The following LPIN2 variants were observed in gnomAD, a reference collection of about 807,000 sequenced individuals.
The protein encoded by LPIN2 is lipin 2.
LPIN2 carries 55 observed loss-of-function variants against 111.4 expected under a neutral mutation model. That is an observed-to-expected ratio of 0.49 (90% CI 0.40 to 0.62). The LOEUF is 0.62. Among genes scored for constraint, LPIN2 ranks in the 20% least tolerant of loss-of-function variants. The probability of loss-of-function intolerance (pLI) is 0.00; values close to 1 mark genes in which losing one functional copy is unlikely to be tolerated. For missense variants in LPIN2, 992 were observed against 1,112.1 expected (o/e 0.89, Z 1.54); for synonymous variants, 425 against 414.0 (o/e 1.03, Z -0.32).
At chr18:2,928,993 G>T in intron 10 of LPIN2, 72 bp downstream of exon 10, 1 of 976,816 alleles carries the variant, frequency 1.0e-6, no homozygotes. Context: ...ACTTTTATAA[G>T]TAACAGTTAA....
chr18:2,917,055 C>T lies in LPIN2; in HGVS notation c.*3238G>A, dbSNP rs2076980454. On this transcript the variant is annotated 3_prime_UTR_variant, in exon 20 of 20. Transcript: ENST00000677752. ...TTTGTTTTGAACATCAAACACTGCA[C>T]CAAAATATTAGCCATTCATCTTGCA... 6.6e-6 allele frequency: 1 copy of T among 152,190 alleles called. No individual in the cohort carries two copies. Among genetic ancestry groups the T allele is most frequent in the Admixed American group, 6.5e-5 (1 of 15,282 alleles). 9.4% of individuals were successfully genotyped at this position (152,190 alleles called of 1,614,324 possible).
chr18:2,971,565 T>C (rs1009032012), intron 1 of LPIN2, among the ~76,000 whole-genome samples: 7 of 152,120 alleles, frequency 4.6e-5, no homozygotes, highest in Admixed American at 6.5e-5. Context: ...CTAGCAATAG[T>C]AGGTTCTTAA....
chr18:2,941,081 AT>A (rs1190376385), intron 4 of LPIN2, among the ~76,000 whole-genome samples: 1 of 152,242 alleles, frequency 6.6e-6, no homozygotes, highest in Non-Finnish European at 1.5e-5. Context: ...ATCCAGAGAA[AT>A]TTAGTAACTT....
chr18:2,960,525 A>T (rs2077696258), intron 2 of LPIN2, 124 bp downstream of exon 2: 2 of 914,674 alleles, frequency 2.2e-6, no homozygotes, highest in South Asian at 1.5e-5. Context: ...AAAAAAAAAA[A>T]AAGGCCTAGA....
chr18:3,012,185 TA>T (rs888761044), intron 1 of LPIN2, among the ~76,000 whole-genome samples: 38 of 149,240 alleles, frequency 2.5e-4, no homozygotes, highest in African/African-American at 5.2e-4. Context: ...CGTTTTCAAT[TA>T]AAAAAAAAAT....
rs1455247405 is a variant in LPIN2 at position 2,939,335 on chromosome 18, T to G, written c.822+145A>C. 7 of 951,338 alleles carry G rather than the reference T, an allele frequency of 7.4e-6. No individual in the cohort carries two copies. The East Asian group carries it at 1.8e-4, about 25-fold the overall frequency. The allele number at this position is 951,338 out of a possible 1,614,324, so 58.9% of individuals were successfully genotyped here. A position where few individuals can be genotyped will look rare whatever the true frequency, so the allele number is the denominator to read the frequency against. On this transcript the variant is annotated intron_variant, in intron 6 of 19. Transcript: ENST00000677752. ...CCAAATGTTACAAAAAATGTTAACT[T>G]TGAATTTACTTTTATGACATGAGGG...
In LPIN2 at chr18:2,920,153, A is replaced by T; in HGVS notation, c.*140T>A. On this transcript the variant is annotated 3_prime_UTR_variant, in exon 20 of 20. Transcript: ENST00000677752. ...GCCTGAGCAGCTGGCCTGGGAAGGC[A>T]AAGGAGGATGGCGGGACCAGCTCCA... 3 of 1,184,296 alleles carry T rather than the reference A, an allele frequency of 2.5e-6. No individual in the cohort carries two copies. The highest frequency in any genetic ancestry group is 3.7e-6 in the Non-Finnish European group (3 of 817,140). The allele number at this position is 1,184,296 out of a possible 1,614,324, so 73.4% of individuals were successfully genotyped here.
At chr18:2,927,910 G>A in intron 11 of LPIN2, 99 bp from the exon 12 acceptor site, 1 of 985,528 alleles carries the variant, frequency 1.0e-6, no homozygotes, top group South Asian at 1.3e-5. Context: ...TATGGAATGT[G>A]AGAACGTGAC....
chr18:2,954,946 G>A (rs1256683955), intron 2 of LPIN2, among the ~76,000 whole-genome samples: 2 of 152,050 alleles, frequency 1.3e-5, no homozygotes, highest in East Asian at 1.9e-4. Flanking sequence ...CACCTCACAC[G>A]GTTCAGATAC....
chr18:2,926,752 T>C lies in LPIN2; in HGVS notation c.1764A>G (p.Pro588=), dbSNP rs2077137566. The change falls in exon 13 of 20, where the codon CCA becomes CCG. Residue 588 remains proline, a synonymous_variant. Transcript: ENST00000677752. ...CACCGGCCGGCTCCTTGGAGCTGGA[T>C]GGCAGGTCACTGGCTGGCGGTGCCT... ...KSEAPPASDL[P]SSSKEPAGAR... is the part of the protein sequence containing the mutation. The C allele has an allele frequency of 1.2e-6, 2 of 1,613,584 alleles. No individual in the cohort carries two copies. The highest frequency in any genetic ancestry group is 1.1e-5 in the South Asian group (1 of 91,080).
intron 1 of LPIN2, among the ~76,000 whole-genome samples, chr18:3,007,406 C>T (rs993327605): frequency 9.9e-5 from 15 of 152,194 alleles, no homozygotes; most frequent in Non-Finnish European, 1.0e-4. Flanking sequence ...CTCCTGACCT[C>T]GTGATCCGCC....
Position 2,951,178 on chromosome 18 carries a change from T to C in LPIN2, c.467A>G (p.Lys156Arg), listed in dbSNP as rs1257836532. ...CTGTTTGTATTTCTTTCTCCTTCGT[T>C]TTTTCTTTTTCACAGAACTTGGAGT... ...IFTPSSVKKK[K>R]RRRKKYKQDS... Residue 156 changes from lysine to arginine, a missense_variant, in exon 4 of 20, where the codon AAA becomes AGA. This residue lies in a region of LPIN2 where 709 missense variants were observed against 753.2 expected (regional missense o/e 0.94). Transcript: ENST00000677752. 1 of 1,614,052 alleles carries C rather than the reference T, an allele frequency of 6.2e-7. No individual in the cohort carries two copies. Among genetic ancestry groups the C allele is most frequent in the African/African-American group, 1.3e-5 (1 of 74,920 alleles).
In LPIN2 at chr18:2,945,895, T is replaced by C. The variant is rs190265471; in HGVS notation, c.590+5160A>G. ...TTCCCAGCATCTTTTTTAGTCCACA[T>C]GTTTCTCTTTTGTACAGCCCTCTTG... On this transcript the variant is annotated intron_variant, in intron 4 of 19. Coordinates refer to ENST00000677752, the MANE Select transcript of LPIN2 (RefSeq NM_001375808.2). 1,146 of 1,426,146 alleles carry C rather than the reference T, an allele frequency of 8.0e-4. 2 individuals are homozygous for C. The highest frequency in any genetic ancestry group is 9.9e-4 in the Non-Finnish European group (1,004 of 1,011,476). The allele number at this position is 1,426,146 out of a possible 1,614,324, so 88.3% of individuals were successfully genotyped here.
chr18:2,976,572 G>GT lies in LPIN2; in HGVS notation c.-9-15724dup, dbSNP rs2078020616. 2.6e-5 allele frequency among the ~76,000 whole-genome samples: 4 copies of GT among 152,288 alleles called. No individual in the cohort carries two copies. In the South Asian group the frequency reaches 8.3e-4, roughly 32 times the overall value. Reference sequence around the variant, plus strand: ...ATTTGTCTGCGTGGATTGTTTACATGTTTTTTAAAATGTTTAACAGCTTCC... The same window carrying GT: ...ATTTGTCTGCGTGGATTGTTTACATGTTTTTTTAAAATGTTTAACAGCTTCC... On this transcript the variant is annotated intron_variant, in intron 1 of 19. Coordinates refer to ENST00000677752, the MANE Select transcript of LPIN2 (RefSeq NM_001375808.2).
intron 1 of LPIN2, among the ~76,000 whole-genome samples, chr18:3,008,233 G>A (rs1054805303): frequency 5.3e-5 from 8 of 152,186 alleles, no homozygotes; most frequent in Non-Finnish European, 1.2e-4. Flanking sequence ...CTTGAGTCCA[G>A]GAGTTCGAGA....
intron 1 of LPIN2, among the ~76,000 whole-genome samples, chr18:2,963,328 A>G (rs2077742198): frequency 6.7e-6 from 1 of 150,246 alleles, no homozygotes. Context: ...CTCTTGAAGC[A>G]GAATCTAGTG....
chr18:2,934,455 T>TTAA lies in LPIN2; in HGVS notation c.1169-8_1169-6dup. On this transcript the variant is annotated splice_region_variant and splice_polypyrimidine_tract_variant and intron_variant, in intron 7 of 19. Transcript: ENST00000677752. ...GTTGGCTTCTTTTGTGAACACCTGTTTAAAAAAAAAATCAGAGGTAAGAAT... is the reference window on the plus strand; with the variant it reads ...GTTGGCTTCTTTTGTGAACACCTGTTTAATAAAAAAAAAATCAGAGGTAAGAAT... The TTAA allele has an allele frequency of 1.3e-6, 2 of 1,593,106 alleles. No homozygotes were observed. Among genetic ancestry groups the TTAA allele is most frequent in the Non-Finnish European group, 1.7e-6 (2 of 1,161,380 alleles).
intron 1 of LPIN2, among the ~76,000 whole-genome samples, chr18:2,988,677 G>C (rs1404221100): frequency 6.6e-6 from 1 of 152,204 alleles, no homozygotes; most frequent in Non-Finnish European, 1.5e-5. Flanking sequence ...ACTCTTTCAA[G>C]TTAAATGCTG....
chr18:2,921,251 C>T (rs1169350884), intron 18 of LPIN2: 3 of 565,396 alleles, frequency 5.3e-6, no homozygotes, highest in Admixed American at 3.1e-5. Context: ...CAGCTCAGAA[C>T]TGCTTAGAAG....
Sources: allele counts gnomAD v4.1 joint callset (sites outside exome capture counted in the v4.1 genomes callset), GRCh38; gene constraint gnomAD v4.1.1; regional missense constraint gnomAD v4.1.1; transcripts MANE v1.5; gene names NCBI Gene and HGNC (gene_info 2026-07-23, HGNC 2026-07-21).